BAIAP2L1: variants seen among roughly 807,000 people sequenced by gnomAD.
BAIAP2L1 encodes the protein BAR/IMD domain-containing adapter protein 2-like 1.
A neutral mutation model predicts 66.3 loss-of-function variants in BAIAP2L1; 35 were observed. The ratio of observed to expected loss-of-function variants is 0.53; its 90% confidence interval spans 0.40 to 0.70. The LOEUF (loss-of-function observed/expected upper bound fraction) is 0.70, where lower values mean the gene tolerates loss of function less well. Ranked by LOEUF, BAIAP2L1 falls within the 30% of genes least tolerant of loss-of-function variation. The probability of loss-of-function intolerance (pLI) is 0.00; values close to 1 mark genes in which losing one functional copy is unlikely to be tolerated. For missense variants in BAIAP2L1, 622 were observed against 656.9 expected (o/e 0.95, Z 0.58); for synonymous variants, 269 against 248.7 (o/e 1.08, Z -0.77).
rs569599877 is a variant in BAIAP2L1 at position 98,333,087 on chromosome 7, C to T, written c.215-12789G>A. On this transcript the variant is annotated intron_variant, in intron 3 of 13. Transcript: ENST00000005260. ...TCCCCAGACACCTGCCTGATGAGTT[C>T]CCCGCAGTGCACGTCCCTGACCACC... 9.2e-5 allele frequency among the ~76,000 whole-genome samples: 14 copies of T among 152,238 alleles called. No individual in the cohort carries two copies. The South Asian group carries it at 2.7e-3, about 29-fold the overall frequency.
Position 98,310,562 on chromosome 7 carries a change from AT to A in BAIAP2L1, c.837del (p.Lys279AsnfsTer19), listed in dbSNP as rs1800829538. Reference sequence around the variant, plus strand: ...GGAGCGGGGGGCATCTTTGGTGAGCATTTAGAAAGGGTGTCGTAATCTTTCC... The same window carrying A: ...GGAGCGGGGGGCATCTTTGGTGAGCATTAGAAAGGGTGTCGTAATCTTTCC... ...VVRKDYDTLSKCSPKMPPAPS... is the reference protein window; with the variant it reads ...VVRKDYDTLSXCSPKMPPAPS... On this transcript the variant is annotated frameshift_variant, in exon 9 of 14. Transcript: ENST00000005260. LOFTEE classifies it high-confidence loss of function. The A allele has an allele frequency of 6.3e-7, 1 of 1,591,922 alleles. No individual in the cohort carries two copies. The highest frequency in any genetic ancestry group is 1.9e-5 in the Admixed American group (1 of 52,970).
At chr7:98,299,140 C>T (rs1415665394) in intron 12 of BAIAP2L1, among the ~76,000 whole-genome samples, 4 of 152,092 alleles carry the variant, frequency 2.6e-5, no homozygotes, top group Non-Finnish European at 1.5e-5. Context: ...CTCAGCCTCC[C>T]GAGTAGCTGG....
At chr7:98,369,798 A>G (rs1001312513) in intron 1 of BAIAP2L1, among the ~76,000 whole-genome samples, 1 of 151,208 alleles carries the variant, frequency 6.6e-6, no homozygotes, top group Admixed American at 6.6e-5. Flanking sequence ...CCGCCTCCCA[A>G]GTAACTGGGA....
chr7:98,320,409 C>T (rs535963222), intron 3 of BAIAP2L1, 111 bp from the exon 4 acceptor site: 14 of 758,064 alleles, frequency 1.8e-5, no homozygotes, highest in African/African-American at 7.1e-5. Flanking sequence ...GATCTTGGCC[C>T]GCTGCAACCT....
At chr7:98,328,877 A>G (rs1801434370) in intron 3 of BAIAP2L1, among the ~76,000 whole-genome samples, 1 of 152,168 alleles carries the variant, frequency 6.6e-6, no homozygotes, top group Non-Finnish European at 1.5e-5. Flanking sequence ...CTTCTGTCAT[A>G]GCCTTTCTTT....
intron 3 of BAIAP2L1, among the ~76,000 whole-genome samples, chr7:98,326,539 GA>G (rs1801385187): frequency 6.6e-6 from 1 of 152,174 alleles, no homozygotes; most frequent in Non-Finnish European, 1.5e-5. Context: ...TGGCCATGTA[GA>G]AGCTCATACT....
At chr7:98,370,778 G>A (rs957174193) in intron 1 of BAIAP2L1, among the ~76,000 whole-genome samples, 1 of 152,144 alleles carries the variant, frequency 6.6e-6, no homozygotes, top group Non-Finnish European at 1.5e-5. Context: ...TGGGATTACA[G>A]GTGTGAGCCA....
At position 98,397,544 on chromosome 7, in the gene BAIAP2L1, C is replaced by T. The variant is rs547395899; in HGVS notation, c.51+3258G>A. Among the ~76,000 whole-genome samples the T allele has an allele frequency of 4.6e-5, 7 of 152,108 alleles. No homozygotes were observed. In the South Asian group the frequency reaches 1.5e-3, roughly 32 times the overall value. On this transcript the variant is annotated intron_variant, in intron 1 of 13. Coordinates refer to ENST00000005260, the MANE Select transcript of BAIAP2L1 (RefSeq NM_018842.5). The stretch of plus-strand genomic sequence containing the variant: ...TTCACCATGTTGGCCAGGACGGTCT[C>T]GATCTCCTGACCTCATGATCTGCCT...
In BAIAP2L1 at chr7:98,317,506, C is replaced by T. The variant is rs1801111432; in HGVS notation, c.349-150G>A. On this transcript the variant is annotated intron_variant, in intron 5 of 13. Transcript: ENST00000005260. ...CCTCACACTGGCTGGGGCCCCCACA[C>T]CCACACCAGTTCACACCATCCTCCT... 7.6e-6 allele frequency: 7 copies of T among 924,884 alleles called. No individual in the cohort carries two copies. The South Asian group carries it at 1.1e-4, about 14-fold the overall frequency. 57.3% of individuals were successfully genotyped at this position (924,884 alleles called of 1,614,324 possible).
chr7:98,319,975 G>A, intron 5 of BAIAP2L1, 83 bp downstream of exon 5: 2 of 1,074,042 alleles, frequency 1.9e-6, no homozygotes, highest in Non-Finnish European at 2.8e-6. Flanking sequence ...TGCTGCTGAT[G>A]AGTCAACAGT....
In BAIAP2L1 at chr7:98,293,312, GTCATTAGACTATTAC is replaced by G. The variant is rs1800047106; in HGVS notation, c.*194_*208del. ...GAAAATATTTTAAATGGCTGAGCTG[GTCATTAGACTATTAC>G]TCATTTATCTTAAAGGCAGAAACTT... On this transcript the variant is annotated 3_prime_UTR_variant, in exon 14 of 14. Coordinates refer to ENST00000005260, the MANE Select transcript of BAIAP2L1 (RefSeq NM_018842.5). 6.0e-6 allele frequency: 3 copies of G among 499,904 alleles called. No individual in the cohort carries two copies. Among genetic ancestry groups the G allele is most frequent in the Non-Finnish European group, 1.1e-5 (3 of 277,976 alleles). 31.0% of individuals were successfully genotyped at this position (499,904 alleles called of 1,614,324 possible). A position where few individuals can be genotyped will look rare whatever the true frequency, so the allele number is the denominator to read the frequency against.
chr7:98,361,295 T>C (rs1003253431), intron 2 of BAIAP2L1, among the ~76,000 whole-genome samples: 1 of 151,468 alleles, frequency 6.6e-6, no homozygotes, highest in African/African-American at 2.4e-5. Context: ...AGGCAGAGGT[T>C]GCAGTGAGCC....
intron 2 of BAIAP2L1, among the ~76,000 whole-genome samples, chr7:98,357,049 A>ATATTT (rs1406909573): frequency 3.2e-4 from 4 of 12,618 alleles, no homozygotes; most frequent in East Asian, 4.1e-3. Flanking sequence ...ATATATATAT[A>ATATTT]TTTTTTTTTT....
intron 3 of BAIAP2L1, among the ~76,000 whole-genome samples, chr7:98,353,013 T>A (rs1367140935): frequency 2.0e-5 from 3 of 152,020 alleles, no homozygotes; most frequent in Non-Finnish European, 4.4e-5. Context: ...TCTCAACGAC[T>A]CCCCCAAATA....
At chr7:98,304,459 AC>A (rs1352755952) in intron 11 of BAIAP2L1, 83 bp from the exon 12 acceptor site, 16 of 1,391,270 alleles carry the variant, frequency 1.2e-5, no homozygotes, top group Non-Finnish European at 1.6e-5. Context: ...CTGACCAAGG[AC>A]AACAGTAATA....
chr7:98,373,827 C>T (rs1802563811), intron 1 of BAIAP2L1, among the ~76,000 whole-genome samples: 1 of 152,344 alleles, frequency 6.6e-6, no homozygotes, highest in Admixed American at 6.5e-5. Flanking sequence ...TTCCTGTTAA[C>T]TGGTATCAGC....
chr7:98,312,011 G>C, intron 8 of BAIAP2L1, 86 bp downstream of exon 8: 1 of 1,378,408 alleles, frequency 7.3e-7, no homozygotes, highest in East Asian at 2.3e-5. Flanking sequence ...AGGGGGACCT[G>C]TGATTCCCAC....
At chr7:98,379,161 G>A (rs1452384521) in intron 1 of BAIAP2L1, among the ~76,000 whole-genome samples, 2 of 151,948 alleles carry the variant, frequency 1.3e-5, no homozygotes, top group African/African-American at 2.4e-5. Flanking sequence ...TTACAGGCAT[G>A]AGCCACCGAG....
intron 12 of BAIAP2L1, among the ~76,000 whole-genome samples, chr7:98,295,070 C>T (rs891738379): frequency 2.0e-5 from 3 of 152,236 alleles, no homozygotes; most frequent in Non-Finnish European, 2.9e-5. Context: ...CCCCAGGAAG[C>T]GTCCCAGCAC....
Sources: gnomAD v4.1 joint callset for allele counts (sites outside exome capture counted in the v4.1 genomes callset) on GRCh38, gnomAD v4.1.1 for gene constraint, MANE v1.5 for transcripts, NCBI Gene and HGNC (gene_info 2026-07-23, HGNC 2026-07-21) for gene names.